Variants in TTC28 observed in about 807,000 individuals in gnomAD.
The protein encoded by TTC28 is tetratricopeptide repeat domain 28, also known as tetratricopeptide repeat protein 28.
In TTC28, 61 loss-of-function variants were observed where a neutral mutation model predicts 198.0. The observed-to-expected ratio is 0.31, with a 90% CI of 0.25 to 0.38. TTC28 has a LOEUF of 0.38. Ranked by LOEUF, TTC28 falls within the 10% of genes least tolerant of loss-of-function variation. The pLI is 1.00. For synonymous variants in TTC28, 1,171 were observed against 1,297.8 expected (o/e 0.90, Z 2.10); for missense variants, 2,678 against 3,164.0 (o/e 0.85, Z 3.69).
intron 13 of TTC28, among the ~76,000 whole-genome samples, chr22:28,029,939 T>C (rs1324038268): frequency 6.6e-6 from 1 of 152,252 alleles, no homozygotes; most frequent in African/African-American, 2.4e-5. Flanking sequence ...AAGTCAGCTC[T>C]GAGGCTATGT....
At chr22:28,191,495 G>A (rs969930815) in intron 5 of TTC28, among the ~76,000 whole-genome samples, 4 of 152,242 alleles carry the variant, frequency 2.6e-5, no homozygotes, top group African/African-American at 4.8e-5. Flanking sequence ...GCGAGGCATC[G>A]CCTCACCCGG....
chr22:28,255,080 C>A (rs999738895), intron 5 of TTC28, among the ~76,000 whole-genome samples: 1 of 151,998 alleles, frequency 6.6e-6, no homozygotes, highest in Non-Finnish European at 1.5e-5. Context: ...CTGGTGAAAC[C>A]CCTGAGTTTC....
At chr22:28,164,114 C>T (rs928814125) in intron 5 of TTC28, among the ~76,000 whole-genome samples, 11 of 152,288 alleles carry the variant, frequency 7.2e-5, no homozygotes, top group African/African-American at 2.4e-4. Context: ...CCCATCATTG[C>T]CAAGGCTTGA....
intron 2 of TTC28, among the ~76,000 whole-genome samples, chr22:28,389,120 T>C (rs1341446761): frequency 3.9e-5 from 6 of 152,214 alleles, no homozygotes; most frequent in East Asian, 3.8e-4. Context: ...TTGTCTTTGG[T>C]TCTGTTTATA....
intron 6 of TTC28, among the ~76,000 whole-genome samples, chr22:28,131,674 C>T (rs913516489): frequency 4.6e-5 from 7 of 152,220 alleles, no homozygotes; most frequent in African/African-American, 1.7e-4. Context: ...TGTATATGTA[C>T]TAACTCTGTG....
intron 1 of TTC28, among the ~76,000 whole-genome samples, chr22:28,641,184 C>T (rs976343775): frequency 2.0e-5 from 3 of 151,938 alleles, no homozygotes; most frequent in Admixed American, 1.3e-4. Flanking sequence ...ATTAGCCGGG[C>T]GTGGTGGCGC....
rs1569072265 is a variant in TTC28, at chr22:27,993,511, T to A, written c.5252A>T (p.Lys1751Ile). Residue 1751 changes from lysine to isoleucine, a missense_variant, in exon 18 of 23, where the codon AAA becomes ATA. Around this residue, in one of 8 missense-constraint regions of TTC28, gnomAD observed 314 missense variants for 442.7 expected, o/e 0.71. Transcript: ENST00000397906. The stretch of plus-strand genomic sequence containing the variant: ...CCCATTCTGGATGCGCTGCAGGGAT[T>A]TCTCCACCTGAGGGGGAATTGGGGG... ...ALRVLLHLVE[K>I]SLQRIQNGQR... 6.5e-7 allele frequency: 1 copy of A among 1,542,974 alleles called. No individual in the cohort carries two copies. The highest frequency in any genetic ancestry group is 8.8e-7 in the Non-Finnish European group (1 of 1,140,830).
intron 5 of TTC28, among the ~76,000 whole-genome samples, chr22:28,257,613 G>A (rs933148662): frequency 1.9e-4 from 29 of 150,996 alleles, no homozygotes; most frequent in South Asian, 1.3e-3. Context: ...AGGGGAGAGC[G>A]AAAAGGAGAA....
At chr22:28,420,213 C>T (rs2047227259) in intron 2 of TTC28, among the ~76,000 whole-genome samples, 1 of 152,132 alleles carries the variant, frequency 6.6e-6, no homozygotes, top group Admixed American at 6.6e-5. Flanking sequence ...AATAAACACG[C>T]CTATTTCTCT....
At chr22:28,672,855 A>G (rs2051911618) in intron 1 of TTC28, among the ~76,000 whole-genome samples, 1 of 152,254 alleles carries the variant, frequency 6.6e-6, no homozygotes, top group Admixed American at 6.5e-5. Flanking sequence ...CATCATAGCT[A>G]TACTGCCCCT....
chr22:28,249,774 G>C (rs548697303), intron 5 of TTC28, among the ~76,000 whole-genome samples: 1 of 152,162 alleles, frequency 6.6e-6, no homozygotes, highest in Non-Finnish European at 1.5e-5. Flanking sequence ...CAAAATGAGA[G>C]GATGGATGTG....
chr22:28,007,312 C>G (rs1937969637), intron 14 of TTC28: 1 of 152,106 alleles, frequency 6.6e-6, no homozygotes, highest in Admixed American at 6.5e-5. Context: ...TGGCAAAGAT[C>G]ACACACCTCC....
chr22:28,024,084 G>A (rs1169823661), intron 13 of TTC28, among the ~76,000 whole-genome samples: 1 of 149,338 alleles, frequency 6.7e-6, no homozygotes, highest in Non-Finnish European at 1.5e-5. Context: ...ACAGCACCCT[G>A]CTAGGCTCCT....
chr22:28,650,702 A>G (rs997044283), intron 1 of TTC28, among the ~76,000 whole-genome samples: 3 of 152,196 alleles, frequency 2.0e-5, no homozygotes, highest in Non-Finnish European at 2.9e-5. Context: ...CTAACTATAC[A>G]AGCATAGGAT....
chr22:28,283,343 C>T (rs918137251), intron 5 of TTC28, among the ~76,000 whole-genome samples: 2 of 151,938 alleles, frequency 1.3e-5, no homozygotes, highest in Non-Finnish European at 2.9e-5. Context: ...CACACACACA[C>T]ACACACCACA....
chr22:28,191,415 C>T (rs552185357), intron 5 of TTC28, among the ~76,000 whole-genome samples: 1 of 152,348 alleles, frequency 6.6e-6, no homozygotes, highest in South Asian at 2.1e-4. Flanking sequence ...GCGGGTTCAT[C>T]TCACTAGGGA....
chr22:28,307,001 T>A (rs2045159492), intron 2 of TTC28, among the ~76,000 whole-genome samples: 1 of 152,186 alleles, frequency 6.6e-6, no homozygotes, highest in Non-Finnish European at 1.5e-5. Context: ...TCTTTATATC[T>A]CACCTAAGTA....
intron 2 of TTC28, among the ~76,000 whole-genome samples, chr22:28,622,131 T>C (rs1403165341): frequency 6.6e-6 from 1 of 152,094 alleles, no homozygotes; most frequent in Non-Finnish European, 1.5e-5. Flanking sequence ...GGTGCAAGGG[T>C]CAGGTACTGT....
At chr22:28,515,874 G>A (rs775500154) in intron 2 of TTC28, among the ~76,000 whole-genome samples, 13 of 152,018 alleles carry the variant, frequency 8.6e-5, no homozygotes, top group South Asian at 6.2e-4. Flanking sequence ...AGCCGGGTGC[G>A]GTAGCTCATG....
Sources: gnomAD v4.1 joint callset for allele counts (sites outside exome capture counted in the v4.1 genomes callset) on GRCh38, gnomAD v4.1.1 for gene constraint, gnomAD v4.1.1 regional missense constraint, MANE v1.5 for transcripts, NCBI Gene and HGNC (gene_info 2026-07-23, HGNC 2026-07-21) for gene names.